The following PDZRN4 variants were observed in gnomAD, a reference collection of about 807,000 sequenced individuals.
PDZRN4 encodes the protein PDZ domain containing ring finger 4.
PDZRN4 carries 70 observed loss-of-function variants against 99.0 expected under a neutral mutation model. The ratio of observed to expected loss-of-function variants is 0.71; its 90% CI spans 0.58 to 0.86. The LOEUF is 0.86. Ranked by LOEUF, PDZRN4 falls within the 40% of genes least tolerant of loss-of-function variation. PDZRN4 has a pLI of 0.00. For synonymous variants in PDZRN4, 551 were observed against 501.6 expected, an observed-to-expected ratio of 1.10 and a Z score of -1.32; for missense variants, 1,474 against 1,331.2, an observed-to-expected ratio of 1.11 and a Z score of -1.67.
In PDZRN4 at chr12:41,569,535, A is replaced by G. The variant is rs182016659; in HGVS notation, c.1584+1636A>G. Among the ~76,000 whole-genome samples the G allele has an allele frequency of 1.9e-3, 286 of 152,312 alleles. 2 individuals are homozygous for G. The highest frequency in any genetic ancestry group is 6.3e-3 in the African/African-American group (263 of 41,578). On this transcript the variant is annotated intron_variant, in intron 9 of 9. Coordinates refer to ENST00000402685, the MANE Select transcript of PDZRN4 (RefSeq NM_001164595.2). ...CTCCTAAAGTGTTGGGATTGCAGGC[A>G]TGAGCCACTGCACCTGGCCTCAACA...
intron 3 of PDZRN4, among the ~76,000 whole-genome samples, chr12:41,285,108 C>G (rs543600252): frequency 6.6e-6 from 1 of 152,052 alleles, no homozygotes. Flanking sequence ...ATCTATCCAT[C>G]TGACAAAGGG....
chr12:41,238,446 A>C (rs1951081187), intron 3 of PDZRN4, among the ~76,000 whole-genome samples: 1 of 152,148 alleles, frequency 6.6e-6, no homozygotes, highest in Non-Finnish European at 1.5e-5. Flanking sequence ...AACCTACAGA[A>C]TGGGAGAAAA....
At chr12:41,214,076 A>G (rs898892075) in intron 3 of PDZRN4, among the ~76,000 whole-genome samples, 1 of 151,900 alleles carries the variant, frequency 6.6e-6, no homozygotes, top group Non-Finnish European at 1.5e-5. Flanking sequence ...CAGCTTGATC[A>G]GAGACGTAGT....
chr12:41,443,382 G>T (rs1952697917), intron 3 of PDZRN4, among the ~76,000 whole-genome samples: 1 of 152,100 alleles, frequency 6.6e-6, no homozygotes, highest in Non-Finnish European at 1.5e-5. Context: ...AATGGATTGG[G>T]AGTTGGAAAC....
intron 3 of PDZRN4, among the ~76,000 whole-genome samples, chr12:41,475,382 C>T (rs552593556): frequency 7.2e-5 from 11 of 152,108 alleles, no homozygotes; most frequent in African/African-American, 1.7e-4. Context: ...AATAAATCAC[C>T]GGATGTTTAA....
intron 3 of PDZRN4, among the ~76,000 whole-genome samples, chr12:41,220,590 G>T (rs1173507166): frequency 1.3e-5 from 2 of 152,130 alleles, no homozygotes; most frequent in Non-Finnish European, 2.9e-5. Flanking sequence ...AAAGAACAAA[G>T]AAATGGCTCC....
intron 3 of PDZRN4, among the ~76,000 whole-genome samples, chr12:41,265,689 T>G (rs1213311463): frequency 6.6e-6 from 1 of 152,208 alleles, no homozygotes; most frequent in Non-Finnish European, 1.5e-5. Flanking sequence ...CCATTCACAC[T>G]TTTTTCTTAG....
intron 8 of PDZRN4, among the ~76,000 whole-genome samples, chr12:41,567,180 A>T (rs995674310): frequency 1.3e-5 from 2 of 152,184 alleles, no homozygotes; most frequent in African/African-American, 4.8e-5. Context: ...ATAGACATGG[A>T]GTAATATTGC....
intron 3 of PDZRN4, among the ~76,000 whole-genome samples, chr12:41,436,737 AAG>A (rs1952632967): frequency 6.6e-6 from 1 of 152,194 alleles, no homozygotes; most frequent in Admixed American, 6.5e-5. Flanking sequence ...ATGTATTTGC[AAG>A]AGTGTGAAAT....
chr12:41,315,372 A>G (rs1408429421), intron 3 of PDZRN4, among the ~76,000 whole-genome samples: 1 of 152,092 alleles, frequency 6.6e-6, no homozygotes, highest in Non-Finnish European at 1.5e-5. Context: ...TGTTTATTAT[A>G]TTATAAAGCT....
chr12:41,378,224 C>G (rs567818422), intron 3 of PDZRN4, among the ~76,000 whole-genome samples: 27 of 152,254 alleles, frequency 1.8e-4, no homozygotes, highest in Non-Finnish European at 3.7e-4. Flanking sequence ...TGGGCATCTA[C>G]TGAAATTATC....
At chr12:41,327,370 A>G (rs183278318) in intron 3 of PDZRN4, among the ~76,000 whole-genome samples, 2 of 152,326 alleles carry the variant, frequency 1.3e-5, no homozygotes, top group East Asian at 3.9e-4. Context: ...ACTTCTTTGC[A>G]AAATCTTTTC....
intron 3 of PDZRN4, among the ~76,000 whole-genome samples, chr12:41,499,750 G>A (rs1485319262): frequency 6.6e-6 from 1 of 152,032 alleles, no homozygotes; most frequent in South Asian, 2.1e-4. Context: ...TTAAAAATGA[G>A]TCCTGCTTGC....
At chr12:41,530,445 T>G (rs1481216825) in intron 5 of PDZRN4, among the ~76,000 whole-genome samples, 2 of 152,226 alleles carry the variant, frequency 1.3e-5, no homozygotes, top group African/African-American at 4.8e-5. Flanking sequence ...ATCCAAGTTG[T>G]AATGTGTAGC....
At chr12:41,551,021 TG>T (rs1939044039) in intron 5 of PDZRN4, among the ~76,000 whole-genome samples, 1 of 152,218 alleles carries the variant, frequency 6.6e-6, no homozygotes, top group Non-Finnish European at 1.5e-5. Context: ...GACAATTAAA[TG>T]AATACTTTTT....
intron 3 of PDZRN4, among the ~76,000 whole-genome samples, chr12:41,478,367 CA>C: frequency 6.6e-6 from 1 of 152,228 alleles, no homozygotes; most frequent in East Asian, 1.9e-4. Flanking sequence ...CCGCCTGTCT[CA>C]GCCTCCCAAA....
intron 3 of PDZRN4, among the ~76,000 whole-genome samples, chr12:41,250,628 CT>C (rs1951163133): frequency 6.6e-6 from 1 of 152,222 alleles, no homozygotes; most frequent in African/African-American, 2.4e-5. Context: ...GTTTGTCAAG[CT>C]TGGCAAATGA....
At chr12:41,214,762 T>C (rs1304973860) in intron 3 of PDZRN4, among the ~76,000 whole-genome samples, 1 of 151,994 alleles carries the variant, frequency 6.6e-6, no homozygotes, top group East Asian at 1.9e-4. Context: ...CATAAGATCC[T>C]ATGACACAGA....
chr12:41,366,840 T>A (rs1189463108), intron 3 of PDZRN4, among the ~76,000 whole-genome samples: 1 of 152,166 alleles, frequency 6.6e-6, no homozygotes, highest in Non-Finnish European at 1.5e-5. Context: ...AAATTGCGAA[T>A]TGCATTTTAA....
Sources: allele counts gnomAD v4.1 joint callset (sites outside exome capture counted in the v4.1 genomes callset), GRCh38; gene constraint gnomAD v4.1.1; transcripts MANE v1.5; gene names NCBI Gene and HGNC (gene_info 2026-07-23, HGNC 2026-07-21).